Variants in EVPL observed in about 807,000 individuals in gnomAD.
EVPL encodes the protein envoplakin, also known as 210 kDa cornified envelope precursor protein.
In EVPL, 94 loss-of-function variants were observed where a neutral mutation model predicts 129.7. The observed-to-expected ratio is 0.72, with a 90% CI of 0.61 to 0.86. The LOEUF is 0.86. Among genes scored for constraint, EVPL ranks in the 40% least tolerant of loss-of-function variants. The probability of loss-of-function intolerance (pLI) is 0.00; values close to 1 mark genes in which losing one functional copy is unlikely to be tolerated. For missense variants in EVPL, 2,625 were observed against 2,721.1 expected, an observed-to-expected ratio of 0.96 and a Z score of 0.79; for synonymous variants, 1,172 against 1,191.1, an observed-to-expected ratio of 0.98 and a Z score of 0.33.
Position 76,022,384 on chromosome 17 carries a change from C to T in EVPL, c.606+29G>A. 2 of 1,612,906 alleles carry T rather than the reference C, an allele frequency of 1.2e-6. No individual in the cohort carries two copies. The highest frequency in any genetic ancestry group is 1.7e-6 in the Non-Finnish European group (2 of 1,179,718). ...TGGAGAAACGGGCTGGGGCTGGCCC[C>T]GGATGTGACATCCTCCAGGCTCACC... is the stretch of plus-strand genomic sequence containing the variant. On this transcript the variant is annotated intron_variant, in intron 5 of 21. Coordinates refer to ENST00000301607, the MANE Select transcript of EVPL (RefSeq NM_001988.4). This position sits in a 1 kb window ranked among gnomAD's most constrained non-coding sequence, Gnocchi z 5.6.
At chr17:76,014,354 T>A (rs1025902274) in intron 18 of EVPL, 72 bp downstream of exon 18, 13 of 1,531,000 alleles carry the variant, frequency 8.5e-6, no homozygotes, top group Middle Eastern at 2.4e-4. Flanking sequence ...TTGAAGCCCC[T>A]TAGAGCGCTT....
In EVPL at chr17:76,024,639, T is replaced by C. The variant is rs1239988294; in HGVS notation, c.99-519A>G. 6.6e-6 allele frequency among the ~76,000 whole-genome samples: 1 copy of C among 151,722 alleles called. No individual in the cohort carries two copies. Among genetic ancestry groups the C allele is most frequent in the African/African-American group, 2.4e-5 (1 of 41,264 alleles). On this transcript the variant is annotated intron_variant, in intron 1 of 21. Coordinates refer to ENST00000301607, the MANE Select transcript of EVPL (RefSeq NM_001988.4). The surrounding 1 kb of genome is among the most constrained non-coding windows in gnomAD (Gnocchi z 4.5). ...AGCCTTGCCAGCATGCTGGCTTCAG[T>C]AGCCATCTAGAGGAGCCTCACACTG...
chr17:76,025,598 G>A (rs1236146134), intron 1 of EVPL, among the ~76,000 whole-genome samples: 4 of 152,154 alleles, frequency 2.6e-5, no homozygotes, highest in Admixed American at 2.6e-4. Flanking sequence ...TGGGGCTCAG[G>A]TGCCCCAGGG....
Position 76,011,758 on chromosome 17 carries a change from A to C in EVPL, c.2568+14T>G. 6.2e-7 allele frequency: 1 copy of C among 1,610,974 alleles called. No individual in the cohort carries two copies. The highest frequency in any genetic ancestry group is 8.5e-7 in the Non-Finnish European group (1 of 1,177,632). ...GTGTCAAGGTCCACTGAGCCCCGCA[A>C]GGTCCCATCTCACCTGGGCTTGGAT... On this transcript the variant is annotated intron_variant, in intron 20 of 21. Coordinates refer to ENST00000301607, the MANE Select transcript of EVPL (RefSeq NM_001988.4).
At position 76,015,064 on chromosome 17, in the gene EVPL, G is replaced by C. The variant is rs141025123; in HGVS notation, c.2074C>G (p.Leu692Val). The C allele has an allele frequency of 2.1e-4, 334 of 1,583,760 alleles. 3 individuals carry two copies. Among genetic ancestry groups the C allele is most frequent in the Admixed American group, 5.0e-5 (3 of 59,752 alleles). ...LLEQQTCVLRLHRALKASEHA... is the reference protein window; with the variant it reads ...LLEQQTCVLRVHRALKASEHA... Reference sequence around the variant, plus strand: ...TCCGAGGCCTTCAGCGCGCGGTGTAGCCGCAGCACGCAGGTCTGCTGTTCC... The same window carrying C: ...TCCGAGGCCTTCAGCGCGCGGTGTACCCGCAGCACGCAGGTCTGCTGTTCC... Residue 692 changes from leucine (L) to valine (V), a missense_variant, in exon 17 of 22, where the codon CTA becomes GTA. By Grantham distance (32) the Leu-to-Val change is conservative. Around this residue, in one of 4 missense-constraint regions of EVPL, gnomAD observed 1,024 missense variants for 997.5 expected, o/e 1.03. Transcript: ENST00000301607.
rs200526640 is a variant in EVPL, at chr17:76,010,478, T to C, written c.2727A>G (p.Gln909=). 3.1e-6 allele frequency: 5 copies of C among 1,613,934 alleles called. No individual in the cohort carries two copies. Among genetic ancestry groups the C allele is most frequent in the Non-Finnish European group, 4.2e-6 (5 of 1,179,898 alleles). ...DAKQGSESPA[Q]AGRESEALKA... is the part of the protein sequence containing the mutation. ...TCAGGGCCTCTGACTCTCTCCCTGC[T>C]TGGGCAGGGCTCTCGGAGCCCTGCT... The change falls in exon 22 of 22, where the codon CAA becomes CAG. Residue 909 remains glutamine (Q), a synonymous_variant. Transcript: ENST00000301607.
At position 76,012,089 on chromosome 17, in the gene EVPL, T is replaced by C. The variant is rs2066381921; in HGVS notation, c.2374A>G (p.Arg792Gly). ...CGGCTCTGGATCTCCTGCGTCAGCC[T>C]CTGCCAGGGAAGAACCCAGAGTCAG... ...QIAYKLQAQK[R>G]LTQEIQSRER... Residue 792 changes from arginine (R) to glycine (G), a missense_variant and splice_region_variant, in exon 19 of 22, where the codon AGG (arginine) becomes GGG (glycine). Transcript: ENST00000301607. 2 of 1,609,172 alleles carry C rather than the reference T, an allele frequency of 1.2e-6. No individual in the cohort carries two copies. The highest frequency in any genetic ancestry group is 1.7e-6 in the Non-Finnish European group (2 of 1,178,952).
At position 76,007,051 on chromosome 17, in the gene EVPL, G is replaced by C; in HGVS notation, c.*52C>G. 7.2e-7 allele frequency: 1 copy of C among 1,387,116 alleles called. No individual in the cohort carries two copies. Among genetic ancestry groups the C allele is most frequent in the Non-Finnish European group, 9.3e-7 (1 of 1,069,926 alleles). The allele number at this position is 1,387,116 out of a possible 1,614,324, so 85.9% of individuals were successfully genotyped here. On this transcript the variant is annotated 3_prime_UTR_variant, in exon 22 of 22. Coordinates refer to ENST00000301607, the MANE Select transcript of EVPL (RefSeq NM_001988.4). The surrounding 1 kb of genome is among the most constrained non-coding windows in gnomAD (Gnocchi z 8.8). Reference sequence around the variant, plus strand: ...GGCTGCTCTGAGGCAAGAGGTGTACGTATCCTACCTGGCCCAACACACGCA... The same window carrying C: ...GGCTGCTCTGAGGCAAGAGGTGTACCTATCCTACCTGGCCCAACACACGCA...
chr17:76,010,460 C>T lies in EVPL; in HGVS notation c.2745G>A (p.Glu915=). The change falls in exon 22 of 22, where the codon GAG becomes GAA. Residue 915 remains glutamate (E), a synonymous_variant. Coordinates refer to ENST00000301607, the MANE Select transcript of EVPL (RefSeq NM_001988.4). ...ESPAQAGRES[E]ALKAQLEEER... ...CCTCTTCCAGCTGGGCCTTCAGGGCCTCTGACTCTCTCCCTGCTTGGGCAG... is the reference window on the plus strand; with the variant it reads ...CCTCTTCCAGCTGGGCCTTCAGGGCTTCTGACTCTCTCCCTGCTTGGGCAG... The T allele has an allele frequency of 6.2e-7, 1 of 1,614,078 alleles. No individual in the cohort carries two copies. The highest frequency in any genetic ancestry group is 8.5e-7 in the Non-Finnish European group (1 of 1,180,018).
In EVPL at chr17:76,024,916, T is replaced by C. The variant is rs920781540; in HGVS notation, c.99-796A>G. Among the ~76,000 whole-genome samples the C allele has an allele frequency of 2.6e-5, 4 of 152,164 alleles. No individual in the cohort carries two copies. The highest frequency in any genetic ancestry group is 6.5e-5 in the Admixed American group (1 of 15,272). ...TCAAGCAGACCTAAAAGAGGGCAGA[T>C]TGGTCCAAGCCTTATGAGCACAGTG... On this transcript the variant is annotated intron_variant, in intron 1 of 21. Coordinates refer to ENST00000301607, the MANE Select transcript of EVPL (RefSeq NM_001988.4). The surrounding 1 kb of genome is among the most constrained non-coding windows in gnomAD (Gnocchi z 4.5).
In EVPL at chr17:76,008,827, T is replaced by A. The variant is rs746741512; in HGVS notation, c.4378A>T (p.Ile1460Phe). Residue 1460 changes from isoleucine to phenylalanine, a missense_variant, in exon 22 of 22, where the codon ATC becomes TTC. Physicochemically the swap from Ile to Phe is conservative, Grantham distance 21 (BLOSUM62 0). Coordinates refer to ENST00000301607, the MANE Select transcript of EVPL (RefSeq NM_001988.4). This position sits in a 1 kb window ranked among gnomAD's most constrained non-coding sequence, Gnocchi z 7.4. ...EKRPPTVQEK[I>F]IMEEVVKLEK... ...AGCTTGACCACTTCCTCCATGATGATCTTCTCCTGCACCGTGGGAGGCCGC... is the reference window on the plus strand; with the variant it reads ...AGCTTGACCACTTCCTCCATGATGAACTTCTCCTGCACCGTGGGAGGCCGC... 3 of 1,613,860 alleles carry A rather than the reference T, an allele frequency of 1.9e-6. No homozygotes were observed. The East Asian group carries it at 6.7e-5, about 36-fold the overall frequency.
rs746661836 is a variant in EVPL, at chr17:76,014,941, C to T, written c.2197G>A (p.Ala733Thr). The T allele has an allele frequency of 3.1e-6, 5 of 1,592,052 alleles. No homozygotes were observed. Among genetic ancestry groups the T allele is most frequent in the East Asian group, 2.3e-5 (1 of 44,444 alleles). ...QVRALTDRYH[A>T]VGDQLDLREK... Reference sequence around the variant, plus strand: ...CGCAGGTCCAGCTGGTCCCCTACGGCGTGGTAGCGGTCGGTGAGGGCTCGC... The same window carrying T: ...CGCAGGTCCAGCTGGTCCCCTACGGTGTGGTAGCGGTCGGTGAGGGCTCGC... The change falls in exon 17 of 22, where the codon GCC (alanine) becomes ACC (threonine). Residue 733 changes from alanine (A) to threonine (T), a missense_variant. This residue lies in a region of EVPL where 1,024 missense variants were observed against 997.5 expected (regional missense o/e 1.03). Coordinates refer to ENST00000301607, the MANE Select transcript of EVPL (RefSeq NM_001988.4).
rs751232107 is a variant in EVPL, at chr17:76,010,219, C to T, written c.2986G>A (p.Ala996Thr). 1.2e-6 allele frequency: 2 copies of T among 1,613,952 alleles called. No homozygotes were observed. The highest frequency in any genetic ancestry group is 2.2e-5 in the East Asian group (1 of 44,870). ...TCCAGCTGCACGACCTTCTGGGCTG[C>T]CACTTCCAGGTCTGCCTGCAGGCCA... ...RAGLQADLEVAAQKVVQLESK... is the reference protein window; with the variant it reads ...RAGLQADLEVTAQKVVQLESK... Residue 996 changes from alanine (A) to threonine (T), a missense_variant, in exon 22 of 22, where the codon GCA (alanine) becomes ACA (threonine). By Grantham distance (58) the Ala-to-Thr change is moderately conservative. Around this residue, in one of 4 missense-constraint regions of EVPL, gnomAD observed 1,453 missense variants for 1,511.8 expected, o/e 0.96. Coordinates refer to ENST00000301607, the MANE Select transcript of EVPL (RefSeq NM_001988.4).
At chr17:76,023,943 G>C in intron 2 of EVPL, 78 bp downstream of exon 2, 1 of 1,499,068 alleles carries the variant, frequency 6.7e-7, no homozygotes, top group South Asian at 1.2e-5. Context: ...GGGGCACTCA[G>C]GGAGTGCCAG....
Position 76,021,835 on chromosome 17 carries a change from C to T in EVPL, c.807+32G>A, listed in dbSNP as rs780675494. Reference sequence around the variant, plus strand: ...GTGAGGACCCGGATGGCCCTGGCCGCCCCCACCTGGCCCCGACCTCTGCCA... The same window carrying T: ...GTGAGGACCCGGATGGCCCTGGCCGTCCCCACCTGGCCCCGACCTCTGCCA... On this transcript the variant is annotated intron_variant, in intron 7 of 21. Transcript: ENST00000301607. 4 of 1,566,970 alleles carry T rather than the reference C, an allele frequency of 2.6e-6. No individual in the cohort carries two copies. In the Admixed American group the frequency reaches 7.3e-5, roughly 29 times the overall value.
chr17:76,010,596 C>G (rs2066369982), intron 21 of EVPL, 53 bp from the exon 22 acceptor site: 2 of 1,513,910 alleles, frequency 1.3e-6, no homozygotes, highest in Non-Finnish European at 1.8e-6. Flanking sequence ...GATAGGAGCT[C>G]CATGTTTTTC....
chr17:76,012,126 A>G, intron 18 of EVPL, 37 bp from the exon 19 acceptor site: 1 of 1,527,118 alleles, frequency 6.5e-7, no homozygotes, highest in South Asian at 1.2e-5. Context: ...AGGCCAGGAA[A>G]TGCCAATCAC....
rs2066338018 is a variant in EVPL at position 76,008,205 on chromosome 17, C to A, written c.5000G>T (p.Ser1667Ile). The change falls in exon 22 of 22, where the codon AGC becomes ATC. Residue 1667 changes from serine (S) to isoleucine (I), a missense_variant. Transcript: ENST00000301607. The surrounding 1 kb of genome is among the most constrained non-coding windows in gnomAD (Gnocchi z 7.4). ...RTLRDLHAKV[S>I]REELSQETQT... is the part of the protein sequence containing the mutation. ...GGTCTCCTGGCTGAGCTCCTCCCGG[C>A]TCACCTTGGCGTGGAGGTCCCGGAG... The A allele has an allele frequency of 6.2e-7, 1 of 1,614,086 alleles. No individual in the cohort carries two copies. Among genetic ancestry groups the A allele is most frequent in the Non-Finnish European group, 8.5e-7 (1 of 1,180,032 alleles).
chr17:76,015,596 C>T lies in EVPL; in HGVS notation c.1743G>A (p.Thr581=), dbSNP rs747064515. The T allele has an allele frequency of 7.4e-6, 12 of 1,613,372 alleles. No homozygotes were observed. The highest frequency in any genetic ancestry group is 6.7e-5 in the East Asian group (3 of 44,894). The change falls in exon 15 of 22, where the codon ACG becomes ACA. Residue 581 remains threonine (T), a synonymous_variant. Coordinates refer to ENST00000301607, the MANE Select transcript of EVPL (RefSeq NM_001988.4). ...ACTCCTTCTGGGCTGTCTCCTTCTC[C>T]GTTCCCAGGCTCTGCAGGCGCTGGG... ...GTAQRLQSLG[T]EKETAQKECE... is the part of the protein sequence containing the mutation.
Sources: gnomAD v4.1 joint callset for allele counts (sites outside exome capture counted in the v4.1 genomes callset) on GRCh38, gnomAD v4.1.1 for gene constraint, gnomAD v4.1.1 regional missense constraint, Gnocchi (gnomAD v3.1) non-coding constraint, MANE v1.5 for transcripts, NCBI Gene and HGNC (gene_info 2026-07-23, HGNC 2026-07-21) for gene names.